Variants in CYFIP1 observed in about 807,000 individuals in gnomAD.
The protein encoded by CYFIP1 is cytoplasmic FMR1-interacting protein 1.
Under a neutral mutation model 163.5 loss-of-function variants are expected in CYFIP1, and 58 were observed. That is an observed-to-expected ratio of 0.35 (90% CI 0.29 to 0.44). CYFIP1 has a LOEUF of 0.44. Among genes scored for constraint, CYFIP1 ranks in the 20% least tolerant of loss-of-function variants. The pLI is 1.00. For missense variants in CYFIP1, 1,338 were observed against 1,653.8 expected (o/e 0.81, Z 3.31); for synonymous variants, 663 against 660.7 (o/e 1.00, Z -0.05).
chr15:22,870,017 A>G lies in CYFIP1; in HGVS notation c.*11T>C. 6.3e-7 allele frequency: 1 copy of G among 1,583,066 alleles called. No individual in the cohort carries two copies. Among genetic ancestry groups the G allele is most frequent in the Middle Eastern group, 1.7e-4 (1 of 5,952 alleles). ...CATGCCATGTTGAGTTACGGAGTGC[A>G]GCGCGTGCCCTCAGCTGCTGGCGAG... is the stretch of plus-strand genomic sequence containing the variant. On this transcript the variant is annotated 3_prime_UTR_variant, in exon 31 of 31. Transcript: ENST00000617928.
chr15:22,912,953 T>C (rs971060589), intron 17 of CYFIP1, among the ~76,000 whole-genome samples: 1 of 151,062 alleles, frequency 6.6e-6, no homozygotes, highest in Non-Finnish European at 1.5e-5. Context: ...TCCAGCACTT[T>C]AGGTGGATGA....
At chr15:22,880,718 A>G (rs551554880) in intron 25 of CYFIP1, among the ~76,000 whole-genome samples, 88 of 152,260 alleles carry the variant, frequency 5.8e-4, no homozygotes, top group African/African-American at 2.0e-3. Flanking sequence ...GGCTCAGCAG[A>G]CCTTAAACCC....
chr15:22,980,536 G>A (rs1266686350), upstream of CYFIP1, among the ~76,000 whole-genome samples: 1 of 151,824 alleles, frequency 6.6e-6, no homozygotes, highest in Non-Finnish European at 1.5e-5. Flanking sequence ...AGCCGCCGAA[G>A]GTGTCCTCCC....
At chr15:22,938,091 G>C (rs1184605593) in intron 8 of CYFIP1, among the ~76,000 whole-genome samples, 2 of 152,162 alleles carry the variant, frequency 1.3e-5, no homozygotes, top group East Asian at 3.9e-4. Context: ...CCCAGCAAAG[G>C]GTCCCCCAAG....
Position 22,870,173 on chromosome 15 carries a change from TC to T in CYFIP1, c.3616del (p.Glu1206ArgfsTer21), listed in dbSNP as rs1435894853. ...GAGAATCTGGAACTTGCGAATTCTC[TC>T]CACCATCTTCTTCAAAGGCTACAAC... Reference protein sequence around the residue: ...IKNVPLKKMVERIRKFQILND... With the variant: ...IKNVPLKKMVXRIRKFQILND... On this transcript the variant is annotated frameshift_variant, in exon 31 of 31. Coordinates refer to ENST00000617928, the MANE Select transcript of CYFIP1 (RefSeq NM_014608.6). LOFTEE classifies it high-confidence loss of function. 1 of 1,610,164 alleles carries T rather than the reference TC, an allele frequency of 6.2e-7. No homozygotes were observed. The highest frequency in any genetic ancestry group is 8.5e-7 in the Non-Finnish European group (1 of 1,178,580).
rs556417510 is a variant in CYFIP1, at chr15:22,927,791, T to A, written c.1233+115A>T. 738 of 1,033,968 alleles carry A rather than the reference T, an allele frequency of 7.1e-4. 2 individuals carry two copies. Among genetic ancestry groups the A allele is most frequent in the Non-Finnish European group, 9.6e-4 (710 of 740,436 alleles). 64.0% of individuals were successfully genotyped at this position (1,033,968 alleles called of 1,614,324 possible). On this transcript the variant is annotated intron_variant, in intron 12 of 30. Coordinates refer to ENST00000617928, the MANE Select transcript of CYFIP1 (RefSeq NM_014608.6). ...ATCACCTTGGAAACATATCTACTGA[T>A]AGATATTCTCGTCTTTCTAGGGCCA...
intron 1 of CYFIP1, chr15:22,947,842 G>T: frequency 1.5e-6 from 1 of 663,592 alleles, no homozygotes; most frequent in Non-Finnish European, 1.9e-6. Flanking sequence ...CTGCCGCAGG[G>T]GACAGAAAGT....
chr15:22,954,379 A>T (rs1332056993), intron 1 of CYFIP1, among the ~76,000 whole-genome samples: 1 of 152,234 alleles, frequency 6.6e-6, no homozygotes, highest in African/African-American at 2.4e-5. Flanking sequence ...GGAGTCACCC[A>T]GGTGGGACGC....
intron 15 of CYFIP1, chr15:22,916,961 C>T: frequency 1.3e-6 from 2 of 1,551,728 alleles, no homozygotes; most frequent in Non-Finnish European, 1.7e-6. Flanking sequence ...TCTCCATGCC[C>T]AGAGACTTGA....
In CYFIP1 at chr15:22,927,879, G is replaced by A. The variant is rs750217342; in HGVS notation, c.1233+27C>T. On this transcript the variant is annotated intron_variant, in intron 12 of 30. Coordinates refer to ENST00000617928, the MANE Select transcript of CYFIP1 (RefSeq NM_014608.6). ...AAAGTGCCCGAGGCAGCTTTGGAGCGGGGCTGGGGTCGGGGACGGGGCCTA... is the reference window on the plus strand; with the variant it reads ...AAAGTGCCCGAGGCAGCTTTGGAGCAGGGCTGGGGTCGGGGACGGGGCCTA... The A allele has an allele frequency of 1.1e-5, 18 of 1,569,576 alleles. No homozygotes were observed. The Admixed American group carries it at 2.3e-4, about 20-fold the overall frequency.
intron 1 of CYFIP1, among the ~76,000 whole-genome samples, chr15:22,958,819 A>G (rs1321162248): frequency 6.6e-6 from 1 of 152,214 alleles, no homozygotes; most frequent in Non-Finnish European, 1.5e-5. Context: ...AGAGTGCCCC[A>G]GGAGGGCAAG....
rs983466448 is a variant in CYFIP1 at position 22,882,729 on chromosome 15, A to G, written c.2820+139T>C. ...AAAGATGAGGGAAGTATCAAACTAT[A>G]TATGGTCAGAAATGTTTGAAGCCTA... On this transcript the variant is annotated intron_variant, in intron 24 of 30. Transcript: ENST00000617928. The G allele has an allele frequency of 6.4e-5, 60 of 937,560 alleles. No homozygotes were observed. The African/African-American group carries it at 9.3e-4, about 14-fold the overall frequency. 58.1% of individuals were successfully genotyped at this position (937,560 alleles called of 1,614,324 possible).
intron 21 of CYFIP1, among the ~76,000 whole-genome samples, chr15:22,907,394 G>A (rs1044965197): frequency 1.3e-5 from 2 of 152,168 alleles, no homozygotes; most frequent in Non-Finnish European, 2.9e-5. Context: ...TATCCCCAGG[G>A]CTGGCACAAA....
At chr15:22,947,493 G>A (rs1707445045) in intron 1 of CYFIP1, among the ~76,000 whole-genome samples, 1 of 152,134 alleles carries the variant, frequency 6.6e-6, no homozygotes, top group African/African-American at 2.4e-5. Context: ...GCCCTGTGCA[G>A]CTTATCCTTC....
chr15:22,915,151 G>C lies in CYFIP1; in HGVS notation c.1829-269C>G, dbSNP rs2060928641. 3 of 326,284 alleles carry C rather than the reference G, an allele frequency of 9.2e-6. No homozygotes were observed. In the South Asian group the frequency reaches 3.2e-4, roughly 35 times the overall value. 20.2% of individuals were successfully genotyped at this position (326,284 alleles called of 1,614,324 possible). ...GTGTCTTTTTTTTTTTTTTGAGACA[G>C]AGTCTATCTCACTCTGTCACCCAGG... On this transcript the variant is annotated intron_variant, in intron 16 of 30. Transcript: ENST00000617928.
At chr15:22,887,785 C>T (rs1304112498) in intron 23 of CYFIP1, among the ~76,000 whole-genome samples, 3 of 152,192 alleles carry the variant, frequency 2.0e-5, no homozygotes, top group East Asian at 1.9e-4. Flanking sequence ...AAACACTGTG[C>T]TGTAAAAGAC....
At chr15:22,921,890 A>G (rs1001775681) in intron 13 of CYFIP1, among the ~76,000 whole-genome samples, 26 of 152,174 alleles carry the variant, frequency 1.7e-4, no homozygotes. Flanking sequence ...ACAGAGGTCA[A>G]TGGGATAGGA....
At chr15:22,872,654 C>A (rs2141823682) in intron 30 of CYFIP1, 171 bp downstream of exon 30, 1 of 635,292 alleles carries the variant, frequency 1.6e-6, no homozygotes, top group Admixed American at 3.0e-5. Context: ...TGCCAGACTG[C>A]TTTACTGGCC....
At chr15:22,920,735 A>T (rs1347413380) in intron 13 of CYFIP1, among the ~76,000 whole-genome samples, 1 of 152,220 alleles carries the variant, frequency 6.6e-6, no homozygotes, top group Non-Finnish European at 1.5e-5. Flanking sequence ...GCTCAGCGCC[A>T]TCTCTGTGAT....
Sources: gnomAD v4.1 joint callset for allele counts (sites outside exome capture counted in the v4.1 genomes callset) on GRCh38, gnomAD v4.1.1 for gene constraint, MANE v1.5 for transcripts, NCBI Gene and HGNC (gene_info 2026-07-23, HGNC 2026-07-21) for gene names.